COL26A1: variants seen among roughly 807,000 people sequenced by gnomAD.
The protein encoded by COL26A1 is collagen alpha-1(XXVI) chain.
In COL26A1, 41 loss-of-function variants were observed where a neutral mutation model predicts 59.3. The observed-to-expected ratio is 0.69, with a 90% CI of 0.54 to 0.90. The LOEUF (loss-of-function observed/expected upper bound fraction) is 0.90, where lower values mean the gene tolerates loss of function less well. Ranked by LOEUF, COL26A1 falls within the 40% of genes least tolerant of loss-of-function variation. The pLI is 0.00. For missense variants in COL26A1, 612 were observed against 602.3 expected, an observed-to-expected ratio of 1.02 and a Z score of -0.17; for synonymous variants, 266 against 256.0, an observed-to-expected ratio of 1.04 and a Z score of -0.37.
At chr7:101,432,893 G>A (rs4530972) in intron 2 of COL26A1, among the ~76,000 whole-genome samples, 67,527 of 151,724 alleles carry the variant, frequency 0.45, 16,727 homozygotes, top group Admixed American at 0.57. Flanking sequence ...GTAGAGACAG[G>A]GTTTCGCCAT....
At chr7:101,520,340 A>G (rs996329133) in intron 3 of COL26A1, among the ~76,000 whole-genome samples, 1 of 152,146 alleles carries the variant, frequency 6.6e-6, no homozygotes, top group African/African-American at 2.4e-5. Flanking sequence ...GGACCCTCCC[A>G]GCCTCCTGAT....
chr7:101,434,128 T>C (rs1332641620), intron 2 of COL26A1, among the ~76,000 whole-genome samples: 52 of 137,316 alleles, frequency 3.8e-4, no homozygotes, highest in Middle Eastern at 3.8e-3. Context: ...TTTCTTTCTT[T>C]CTTCTTTCTC....
intron 2 of COL26A1, among the ~76,000 whole-genome samples, chr7:101,436,817 G>A (rs1483554011): frequency 6.6e-6 from 1 of 151,912 alleles, no homozygotes; most frequent in East Asian, 1.9e-4. Context: ...CTGATTTCAA[G>A]CAATTCTCCT....
chr7:101,481,502 A>T (rs1794155867), intron 3 of COL26A1, among the ~76,000 whole-genome samples: 2 of 151,294 alleles, frequency 1.3e-5, no homozygotes, highest in South Asian at 4.2e-4. Context: ...CCCCGGCTGG[A>T]GTGCATGGCA....
At chr7:101,428,600 T>G (rs1339661198) in intron 2 of COL26A1, among the ~76,000 whole-genome samples, 1 of 152,060 alleles carries the variant, frequency 6.6e-6, no homozygotes, top group Non-Finnish European at 1.5e-5. Context: ...GTAAATATAT[T>G]TTTGTGCATG....
chr7:101,394,280 C>A (rs1791801149), intron 1 of COL26A1, among the ~76,000 whole-genome samples: 1 of 152,178 alleles, frequency 6.6e-6, no homozygotes, highest in South Asian at 2.1e-4. Flanking sequence ...GAAATAGATT[C>A]TCCCACGGAG....
chr7:101,520,662 A>ACACACACACACACACACACACACACAC (rs915256077), intron 3 of COL26A1, among the ~76,000 whole-genome samples: 67 of 143,354 alleles, frequency 4.7e-4, no homozygotes, highest in African/African-American at 1.7e-3. Context: ...ACACACACAC[A>ACACACACACACACACACACACACACAC]CCCCCGTGTT....
At chr7:101,407,115 C>T (rs1182049806) in intron 1 of COL26A1, among the ~76,000 whole-genome samples, 1 of 152,118 alleles carries the variant, frequency 6.6e-6, no homozygotes, top group Non-Finnish European at 1.5e-5. Flanking sequence ...TCTACTCCAC[C>T]CACTGTGGGC....
intron 3 of COL26A1, among the ~76,000 whole-genome samples, chr7:101,513,705 G>C (rs1240435531): frequency 6.6e-6 from 1 of 152,142 alleles, no homozygotes; most frequent in African/African-American, 2.4e-5. Flanking sequence ...CTTCTACCCA[G>C]CATTGCCTTT....
chr7:101,394,595 T>C (rs1468887299), intron 1 of COL26A1, among the ~76,000 whole-genome samples: 1 of 147,152 alleles, frequency 6.8e-6, no homozygotes, highest in African/African-American at 2.5e-5. Context: ...CTTTTTTTTT[T>C]TTTTTTTTGT....
At chr7:101,408,755 T>A (rs989386274) in intron 1 of COL26A1, among the ~76,000 whole-genome samples, 11 of 152,202 alleles carry the variant, frequency 7.2e-5, no homozygotes, top group African/African-American at 2.7e-4. Context: ...TGGTTGTATT[T>A]CATGTTGTTA....
At chr7:101,397,223 C>T (rs934539446) in intron 1 of COL26A1, among the ~76,000 whole-genome samples, 5 of 152,134 alleles carry the variant, frequency 3.3e-5, no homozygotes, top group Non-Finnish European at 7.3e-5. Context: ...TTTGTGTTGT[C>T]TGTGTCTTCT....
At chr7:101,449,093 C>T (rs1793268849) in intron 3 of COL26A1, among the ~76,000 whole-genome samples, 1 of 152,198 alleles carries the variant, frequency 6.6e-6, no homozygotes, top group Non-Finnish European at 1.5e-5. Flanking sequence ...CTGATGCTGG[C>T]AGGGGAGGCT....
At chr7:101,406,731 G>A (rs1420369074) in intron 1 of COL26A1, among the ~76,000 whole-genome samples, 2 of 152,144 alleles carry the variant, frequency 1.3e-5, no homozygotes, top group Non-Finnish European at 2.9e-5. Context: ...AATCTCTTGA[G>A]CCCAGGAGTT....
chr7:101,537,181 A>G (rs1795499209), intron 4 of COL26A1, among the ~76,000 whole-genome samples: 1 of 152,250 alleles, frequency 6.6e-6, no homozygotes, highest in Non-Finnish European at 1.5e-5. Flanking sequence ...CCACTGGTGC[A>G]GACCTAGAAG....
chr7:101,489,843 T>C (rs1584456635), intron 3 of COL26A1, among the ~76,000 whole-genome samples: 1 of 26,794 alleles, frequency 3.7e-5, no homozygotes, highest in Non-Finnish European at 6.0e-5. Context: ...TCTTTCTTTC[T>C]TTCTTTCTTT....
intron 1 of COL26A1, among the ~76,000 whole-genome samples, chr7:101,402,279 A>G (rs1472029272): frequency 1.3e-5 from 2 of 152,034 alleles, no homozygotes; most frequent in Non-Finnish European, 2.9e-5. Context: ...CACATTCCTT[A>G]GATTCTTATC....
At chr7:101,425,235 A>T (rs1017004691) in intron 2 of COL26A1, among the ~76,000 whole-genome samples, 1 of 151,988 alleles carries the variant, frequency 6.6e-6, no homozygotes, top group Non-Finnish European at 1.5e-5. Flanking sequence ...AAATACAAAA[A>T]TTAGCCAGGC....
At chr7:101,449,851 T>C (rs2079408) in intron 3 of COL26A1, among the ~76,000 whole-genome samples, 136,933 of 152,062 alleles carry the variant, frequency 0.9, 62,082 homozygotes, top group Middle Eastern at 0.98. Context: ...AGGATGGGCG[T>C]GGTGGCTCAT....
Sources: allele counts gnomAD v4.1 joint callset (sites outside exome capture counted in the v4.1 genomes callset), GRCh38; gene constraint gnomAD v4.1.1; transcripts MANE v1.5; gene names NCBI Gene and HGNC (gene_info 2026-07-23, HGNC 2026-07-21).